Variants in SPINK9 observed in about 807,000 individuals in gnomAD.
SPINK9 encodes the protein serine protease inhibitor Kazal-type 9.
A neutral mutation model predicts 10.8 loss-of-function variants in SPINK9; 3 were observed. The observed-to-expected ratio is 0.28, with a 90% confidence interval of 0.13 to 0.72. The LOEUF (loss-of-function observed/expected upper bound fraction) is 0.72, where lower values mean the gene tolerates loss of function less well. Ranked by LOEUF, SPINK9 falls within the 30% of genes least tolerant of loss-of-function variation. SPINK9 has a pLI of 0.74. For synonymous variants in SPINK9, 30 were observed against 31.2 expected (o/e 0.96, Z 0.12); for missense variants, 101 against 103.2 (o/e 0.98, Z 0.09).
intron 2 of SPINK9, among the ~76,000 whole-genome samples, chr5:148,327,034 TG>T (rs1420330162): frequency 6.6e-6 from 1 of 152,184 alleles, no homozygotes; most frequent in Non-Finnish European, 1.5e-5. Flanking sequence ...TACCCAGTAA[TG>T]GGATGGCTGG....
upstream of SPINK9, among the ~76,000 whole-genome samples, chr5:148,332,788 A>G (rs922776787): frequency 2.6e-5 from 4 of 152,174 alleles, no homozygotes; most frequent in East Asian, 1.9e-4. Context: ...AACTCACATT[A>G]ACTTGGATTT....
intron 2 of SPINK9, among the ~76,000 whole-genome samples, chr5:148,330,181 G>C (rs1404875505): frequency 6.6e-6 from 1 of 152,088 alleles, no homozygotes; most frequent in African/African-American, 2.4e-5. Flanking sequence ...TTATGAATCT[G>C]GGTGCTCCTG....
rs763779435 is a variant in SPINK9 at position 148,336,427 on chromosome 5, G to A, written c.61G>A (p.Glu21Lys). The A allele has an allele frequency of 7.4e-6, 12 of 1,613,370 alleles. No individual in the cohort carries two copies. Among genetic ancestry groups the A allele is most frequent in the Non-Finnish European group, 1.0e-5 (12 of 1,179,652 alleles). Residue 21 changes from glutamate to lysine, a missense_variant, in exon 2 of 4, where the codon GAA becomes AAA. Transcript: ENST00000377906. ...TGTCTTTGTTTTTCTTCCAGGTATA[G>A]AATGTGCCAAACAGACGAAACAGAT... is the stretch of plus-strand genomic sequence containing the variant. ...ALTLATMFSI[E>K]CAKQTKQMVD...
chr5:148,336,539 A>T, intron 2 of SPINK9, 86 bp downstream of exon 2: 3 of 1,332,970 alleles, frequency 2.3e-6, no homozygotes, highest in Admixed American at 1.9e-5. Context: ...TTAAATTTCT[A>T]TATGTTTGAA....
upstream of SPINK9, among the ~76,000 whole-genome samples, chr5:148,334,581 T>C (rs762760770): frequency 1.3e-5 from 2 of 152,014 alleles, no homozygotes; most frequent in African/African-American, 4.8e-5. Flanking sequence ...TGTGGTGGCA[T>C]GCTCCTGTAA....
rs188497512 is a variant in SPINK9, at chr5:148,322,205, T to A, written c.-73+805T>A. The stretch of plus-strand genomic sequence containing the variant: ...TTGCAGGTAAATTGTAATAGATATA[T>A]TGATATGACACAGGTATACTCTGTA... On this transcript the variant is annotated intron_variant, in intron 1 of 4. Coordinates refer to the SPINK9 transcript ENST00000511717. 2.0e-5 allele frequency among the ~76,000 whole-genome samples: 3 copies of A among 152,318 alleles called. No individual in the cohort carries two copies. The East Asian group carries it at 5.8e-4, about 29-fold the overall frequency.
At chr5:148,335,325 C>T (rs904403962), upstream of SPINK9, among the ~76,000 whole-genome samples, 3 of 152,122 alleles carry the variant, frequency 2.0e-5, no homozygotes, top group African/African-American at 4.8e-5. Flanking sequence ...TGATTATGTA[C>T]GTAATTGTAG....
upstream of SPINK9, among the ~76,000 whole-genome samples, chr5:148,331,327 A>G (rs1757146737): frequency 6.6e-6 from 1 of 152,264 alleles, no homozygotes; most frequent in Admixed American, 6.5e-5. Context: ...GACAACATAG[A>G]TGAAACTAGA....
chr5:148,329,637 T>C (rs1447444034), intron 2 of SPINK9, among the ~76,000 whole-genome samples: 1 of 152,102 alleles, frequency 6.6e-6, no homozygotes, highest in African/African-American at 2.4e-5. Flanking sequence ...CTCTTGTGAG[T>C]ATTTAGTGCT....
chr5:148,327,765 C>T (rs2113413343), intron 2 of SPINK9, among the ~76,000 whole-genome samples: 1 of 151,864 alleles, frequency 6.6e-6, no homozygotes, highest in Admixed American at 6.5e-5. Context: ...AATAGGGAAT[C>T]CTTTCCCCAT....
chr5:148,336,377 G>A, intron 1 of SPINK9, 45 bp from the exon 2 acceptor site: 1 of 1,598,454 alleles, frequency 6.3e-7, no homozygotes. Context: ...GTAAGATTAG[G>A]TTCTTCCAGA....
chr5:148,330,138 C>A (rs1432097494), intron 2 of SPINK9, among the ~76,000 whole-genome samples: 1 of 152,180 alleles, frequency 6.6e-6, no homozygotes, highest in Middle Eastern at 3.2e-3. Context: ...ATGTGGGAGT[C>A]TAAGTCTCTT....
upstream of SPINK9, among the ~76,000 whole-genome samples, chr5:148,335,090 T>G (rs890468700): frequency 5.3e-5 from 8 of 152,182 alleles, no homozygotes; most frequent in Non-Finnish European, 7.3e-5. Flanking sequence ...GTATAAAGTG[T>G]CCTCCAATTC....
At chr5:148,323,548 T>C (rs1463615422) in intron 1 of SPINK9, 4 of 428,740 alleles carry the variant, frequency 9.3e-6, no homozygotes, top group South Asian at 4.4e-5. Context: ...CAATGACATA[T>C]ATATTAACTT....
chr5:148,326,880 A>G (rs1757068987), intron 2 of SPINK9, among the ~76,000 whole-genome samples: 1 of 151,724 alleles, frequency 6.6e-6, no homozygotes, highest in Admixed American at 6.6e-5. Flanking sequence ...TCCATGGTGT[A>G]TATGTGCCAC....
At chr5:148,337,365 A>G (rs1315367998) in intron 2 of SPINK9, among the ~76,000 whole-genome samples, 1 of 152,176 alleles carries the variant, frequency 6.6e-6, no homozygotes. Flanking sequence ...CATCAGCTCC[A>G]CTAACCTTAG....
upstream of SPINK9, among the ~76,000 whole-genome samples, chr5:148,332,660 C>T (rs906407097): frequency 6.6e-6 from 1 of 152,170 alleles, no homozygotes; most frequent in African/African-American, 2.4e-5. Flanking sequence ...TTTTCAGTAG[C>T]TGTAATTTTA....
Position 148,338,574 on chromosome 5 carries a change from A to G in SPINK9, c.184A>G (p.Lys62Glu), listed in dbSNP as rs1428986469. ...PICGSDGKTY[K>E]NDCFFCSKVK... ...TTGTGGATCTGATGGCAAAACTTAT[A>G]AAAATGATTGCTTCTTCTGTTCTAA... is the stretch of plus-strand genomic sequence containing the variant. The change falls in exon 3 of 4, where the codon AAA (lysine) becomes GAA (glutamate). Residue 62 changes from lysine (K) to glutamate (E), a missense_variant. Lys to Glu is a moderately conservative substitution (Grantham distance 56). Transcript: ENST00000377906. The G allele has an allele frequency of 6.3e-7, 1 of 1,597,132 alleles. No individual in the cohort carries two copies. Among genetic ancestry groups the G allele is most frequent in the Non-Finnish European group, 8.6e-7 (1 of 1,166,550 alleles).
intron 2 of SPINK9, among the ~76,000 whole-genome samples, chr5:148,329,934 C>T (rs1338953381): frequency 6.6e-6 from 1 of 152,044 alleles, no homozygotes; most frequent in African/African-American, 2.4e-5. Flanking sequence ...ACTATGTGGT[C>T]AATTTTGGAA....
Sources: gnomAD v4.1 joint callset for allele counts (sites outside exome capture counted in the v4.1 genomes callset) on GRCh38, gnomAD v4.1.1 for gene constraint, MANE v1.5 for transcripts, NCBI Gene and HGNC (gene_info 2026-07-23, HGNC 2026-07-21) for gene names.